AIG1: variants seen among roughly 807,000 people sequenced by gnomAD.
AIG1 encodes androgen induced 1, also known as androgen-induced gene 1 protein.
Under a neutral mutation model 31.4 loss-of-function variants are expected in AIG1, and 23 were observed. That is an observed-to-expected ratio of 0.73 (90% confidence interval 0.53 to 1.04). The LOEUF (loss-of-function observed/expected upper bound fraction) is 1.04, where lower values mean the gene tolerates loss of function less well. Among genes scored for constraint, AIG1 ranks in the 50% least tolerant of loss-of-function variants. AIG1 has a pLI of 0.00. For synonymous variants in AIG1, 100 were observed against 110.5 expected, an observed-to-expected ratio of 0.90 and a Z score of 0.60; for missense variants, 274 against 295.0, an observed-to-expected ratio of 0.93 and a Z score of 0.52.
intron 3 of AIG1, among the ~76,000 whole-genome samples, chr6:143,260,364 T>C (rs1029279106): frequency 2.0e-5 from 3 of 152,196 alleles, no homozygotes; most frequent in South Asian, 4.1e-4. Context: ...CCATCCAACT[T>C]CTTCAGTTCA....
chr6:143,194,886 C>T (rs1790098533), intron 3 of AIG1, among the ~76,000 whole-genome samples: 1 of 152,204 alleles, frequency 6.6e-6, no homozygotes, highest in Non-Finnish European at 1.5e-5. Flanking sequence ...TCTAGTCCCA[C>T]TGGAAAGAGG....
At chr6:143,335,300 G>A (rs1175602355) in intron 5 of AIG1, 1 of 377,226 alleles carries the variant, frequency 2.7e-6, no homozygotes, top group East Asian at 4.2e-5. Flanking sequence ...TTGGGAGACT[G>A]AGGCAGGTGG....
chr6:143,193,761 ACTTGCGTCACATTCCTCCCTCTTG>A (rs1382113854), intron 3 of AIG1, among the ~76,000 whole-genome samples: 19 of 152,240 alleles, frequency 1.2e-4, no homozygotes, highest in African/African-American at 4.3e-4. Flanking sequence ...ATCACAGCTC[ACTTGCGTCACATTCCTCCCTCTTG>A]CTGTGCTAAG....
Position 143,299,605 on chromosome 6 carries a change from T to C in AIG1, c.515+15380T>C, listed in dbSNP as rs531527671. 1 of 152,294 alleles carries C rather than the reference T, an allele frequency of 6.6e-6. No individual in the cohort carries two copies. Among genetic ancestry groups the C allele is most frequent in the Non-Finnish European group, 1.5e-5 (1 of 68,034 alleles). 9.4% of individuals were successfully genotyped at this position (152,294 alleles called of 1,614,324 possible). A position where few individuals can be genotyped will look rare whatever the true frequency, so the allele number is the denominator to read the frequency against. On this transcript the variant is annotated intron_variant, in intron 4 of 5. Coordinates refer to ENST00000357847, the MANE Select transcript of AIG1 (RefSeq NM_016108.4). This position sits in a 1 kb window ranked among gnomAD's most constrained non-coding sequence, Gnocchi z 4.1. ...CCATATGCTTAAAGAGAGAAATGAG[T>C]AGCAGAGGGATTTCAAGCCACTGAG...
At chr6:143,234,383 AATAG>A (rs1259121090) in intron 3 of AIG1, among the ~76,000 whole-genome samples, 2 of 152,208 alleles carry the variant, frequency 1.3e-5, no homozygotes, top group Non-Finnish European at 2.9e-5. Flanking sequence ...TTCTTTCAGA[AATAG>A]ATTAGAGTGA....
intron 3 of AIG1, among the ~76,000 whole-genome samples, chr6:143,282,267 C>T (rs138144377): frequency 3.2e-4 from 49 of 152,308 alleles, no homozygotes; most frequent in Non-Finnish European, 5.9e-4. Flanking sequence ...ATGATCCACA[C>T]AGGCCCTCAG....
chr6:143,155,809 G>A (rs1054794707), intron 2 of AIG1, among the ~76,000 whole-genome samples: 9 of 152,216 alleles, frequency 5.9e-5, no homozygotes, highest in African/African-American at 2.2e-4. Context: ...AGGGGACTGG[G>A]AAGAGCATTT....
rs528573648 is a variant in AIG1 at position 143,183,235 on chromosome 6, C to T, written c.399+18052C>T. ...TTTTGGAGACGGAGTCTCGCTCTGT[C>T]GCCAGGCTGGAGTGCGATGGCGCAA... is the stretch of plus-strand genomic sequence containing the variant. On this transcript the variant is annotated intron_variant, in intron 3 of 5. Coordinates refer to ENST00000357847, the MANE Select transcript of AIG1 (RefSeq NM_016108.4). 2.2e-4 allele frequency among the ~76,000 whole-genome samples: 31 copies of T among 140,082 alleles called. No homozygotes were observed. The South Asian group carries it at 2.9e-3, about 13-fold the overall frequency. 91.9% of individuals were successfully genotyped at this position (140,082 alleles called of 152,430 possible).
intron 3 of AIG1, among the ~76,000 whole-genome samples, chr6:143,171,442 A>G (rs1373988765): frequency 1.2e-5 from 1 of 83,888 alleles, no homozygotes; most frequent in South Asian, 4.1e-4. Context: ...ATATATATAT[A>G]ATATATATAT....
rs969295192 is a variant in AIG1, at chr6:143,340,982, G to GA, written c.*1313dup. Among the ~76,000 whole-genome samples the GA allele has an allele frequency of 2.0e-5, 3 of 151,946 alleles. No homozygotes were observed. Among genetic ancestry groups the GA allele is most frequent in the South Asian group, 2.1e-4 (1 of 4,816 alleles). ...TGAAAAGCATTAAACTTTTTAATTT[G>GA]AAAAAAATTTAAACTCAAAAAGTTA... On this transcript the variant is annotated 3_prime_UTR_variant, in exon 6 of 6. Transcript: ENST00000357847.
chr6:143,285,873 A>G (rs1160788870), intron 4 of AIG1, among the ~76,000 whole-genome samples: 2 of 152,220 alleles, frequency 1.3e-5, no homozygotes, highest in Non-Finnish European at 2.9e-5. Flanking sequence ...TATGTCCTTT[A>G]TACATATGAA....
rs143593961 is a variant in AIG1, at chr6:143,246,608, C to G, written c.400-37502C>G. Among the ~76,000 whole-genome samples, 1,402 of 152,282 alleles carry G rather than the reference C, an allele frequency of 9.2e-3. 16 individuals carry two copies. Among genetic ancestry groups the G allele is most frequent in the Non-Finnish European group, 0.015 (1,005 of 68,014 alleles). On this transcript the variant is annotated intron_variant, in intron 3 of 5. Transcript: ENST00000357847. ...GAGACAATCTGCTTGAGCCATTCAC[C>G]ACAGAAATTTGCATTGAATGATAAG...
chr6:143,322,641 A>G (rs760049273), intron 4 of AIG1, among the ~76,000 whole-genome samples: 1 of 152,230 alleles, frequency 6.6e-6, no homozygotes, highest in Non-Finnish European at 1.5e-5. Flanking sequence ...GTGGGACTGC[A>G]TGGAAGCACA....
chr6:143,315,524 G>T lies in AIG1; in HGVS notation c.516-17758G>T, dbSNP rs186595776. Among the ~76,000 whole-genome samples, 1,065 of 152,184 alleles carry T rather than the reference G, an allele frequency of 7.0e-3. 10 individuals are homozygous for T. Among genetic ancestry groups the T allele is most frequent in the African/African-American group, 0.024 (1,016 of 41,542 alleles). On this transcript the variant is annotated intron_variant, in intron 4 of 5. Transcript: ENST00000357847. ...GAGCTAGAAATAGACTCTCACAAAT[G>T]TAGGCAACTGATATTTGACAGAGGA...
chr6:143,161,354 A>G (rs1333325074), intron 2 of AIG1, among the ~76,000 whole-genome samples: 1 of 152,094 alleles, frequency 6.6e-6, no homozygotes, highest in African/African-American at 2.4e-5. Flanking sequence ...GAAAATAGAG[A>G]GGAAACACTT....
At chr6:143,131,665 T>C (rs544381959) in intron 1 of AIG1, among the ~76,000 whole-genome samples, 2 of 152,320 alleles carry the variant, frequency 1.3e-5, no homozygotes, top group Admixed American at 1.3e-4. Flanking sequence ...ACACGAATCT[T>C]AGTCTCACAA....
At chr6:143,294,235 G>A (rs1798266373) in intron 4 of AIG1, among the ~76,000 whole-genome samples, 1 of 152,170 alleles carries the variant, frequency 6.6e-6, no homozygotes. Flanking sequence ...TGAACACACT[G>A]TAGTCCTAGT....
At chr6:143,187,868 G>T (rs566771466) in intron 3 of AIG1, 1 of 1,404,340 alleles carries the variant, frequency 7.1e-7, no homozygotes, top group East Asian at 2.6e-5. Context: ...AAGGGTATCC[G>T]CAGCATTGTC....
intron 3 of AIG1, among the ~76,000 whole-genome samples, chr6:143,186,033 G>A (rs1789230010): frequency 6.6e-6 from 1 of 152,102 alleles, no homozygotes; most frequent in Admixed American, 6.5e-5. Flanking sequence ...AAACAGCACA[G>A]CTATATCTGA....
Sources: allele counts gnomAD v4.1 joint callset (sites outside exome capture counted in the v4.1 genomes callset), GRCh38; gene constraint gnomAD v4.1.1; non-coding constraint Gnocchi (gnomAD v3.1); transcripts MANE v1.5; gene names NCBI Gene and HGNC (gene_info 2026-07-23, HGNC 2026-07-21).